CSDE1: variants seen among roughly 807,000 people sequenced by gnomAD.
CSDE1 encodes cold shock domain-containing protein E1.
Under a neutral mutation model 89.3 loss-of-function variants are expected in CSDE1, and 17 were observed. The observed-to-expected ratio is 0.19, with a 90% CI of 0.13 to 0.29. CSDE1 has a LOEUF of 0.29. Among genes scored for constraint, CSDE1 ranks in the 10% least tolerant of loss-of-function variants. The pLI is 1.00. For missense variants in CSDE1, 672 were observed against 984.2 expected (o/e 0.68, Z 4.24); for synonymous variants, 322 against 332.8 (o/e 0.97, Z 0.35).
At chr1:114,720,429 TA>T in intron 17 of CSDE1, 109 bp downstream of exon 17, 5 of 1,084,414 alleles carry the variant, frequency 4.6e-6, no homozygotes, top group South Asian at 2.0e-5. Context: ...GAAGTAGAAA[TA>T]AAAAAACGAA....
chr1:114,718,235 A>T lies in CSDE1; in HGVS notation c.2350-19T>A. ...CAAACCCCTGTGGGGGGGAGAAAAA[A>T]AAAACCCTGCAGTTAATGATTTGAG... On this transcript the variant is annotated intron_variant, in intron 19 of 19. Coordinates refer to ENST00000358528, the MANE Select transcript of CSDE1 (RefSeq NM_001007553.3). 7 of 1,609,330 alleles carry T rather than the reference A, an allele frequency of 4.3e-6. No homozygotes were observed. The highest frequency in any genetic ancestry group is 5.9e-6 in the Non-Finnish European group (7 of 1,178,626).
chr1:114,751,718 C>T (rs1661319747), intron 1 of CSDE1, among the ~76,000 whole-genome samples: 1 of 151,740 alleles, frequency 6.6e-6, no homozygotes, highest in Non-Finnish European at 1.5e-5. Flanking sequence ...AAAAACAAAC[C>T]TATGCCCAGC....
intron 5 of CSDE1, 104 bp downstream of exon 5, chr1:114,737,367 G>T: frequency 1.0e-6 from 1 of 963,944 alleles, no homozygotes; most frequent in Non-Finnish European, 1.6e-6. Context: ...ATTTAAAACT[G>T]ATTTTAACAA....
At chr1:114,727,551 G>A (rs1263559493) in intron 12 of CSDE1, among the ~76,000 whole-genome samples, 1 of 152,084 alleles carries the variant, frequency 6.6e-6, no homozygotes, top group Non-Finnish European at 1.5e-5. Flanking sequence ...AACAATGCAG[G>A]ATAATTTGGT....
chr1:114,732,508 TTTAAC>T lies in CSDE1; in HGVS notation c.1050+91_1050+95del. On this transcript the variant is annotated intron_variant, in intron 10 of 19. Transcript: ENST00000358528. ...ACAAGGTAAATGCCCATTAGGGTCATTTAACTTAAGAAAAATTTTAATTTAGTAGT... is the reference window on the plus strand; with the variant it reads ...ACAAGGTAAATGCCCATTAGGGTCATTTAAGAAAAATTTTAATTTAGTAGT... The T allele has an allele frequency of 3.4e-6, 4 of 1,178,418 alleles. 1 individual carries two copies. The highest frequency in any genetic ancestry group is 2.9e-4 in the Middle Eastern group (1 of 3,480). The allele number at this position is 1,178,418 out of a possible 1,614,324, so 73.0% of individuals were successfully genotyped here.
chr1:114,749,513 T>C lies in CSDE1; in HGVS notation c.-1+308A>G, dbSNP rs144667501. Among the ~76,000 whole-genome samples, 520 of 152,312 alleles carry C rather than the reference T, an allele frequency of 3.4e-3. 3 individuals are homozygous for C. Among genetic ancestry groups the C allele is most frequent in the African/African-American group, 7.3e-3 (304 of 41,562 alleles). Reference sequence around the variant, plus strand: ...ATCACCAAAGTTTCACAGACCCTCATAGAAAGACTGCAATGCACATTCTTA... The same window carrying C: ...ATCACCAAAGTTTCACAGACCCTCACAGAAAGACTGCAATGCACATTCTTA... On this transcript the variant is annotated intron_variant, in intron 2 of 19. Transcript: ENST00000358528.
At position 114,749,832 on chromosome 1, in the gene CSDE1, A is replaced by G. The variant is rs989907092; in HGVS notation, c.-12T>C. 1.3e-5 allele frequency: 2 copies of G among 152,660 alleles called. No homozygotes were observed. The highest frequency in any genetic ancestry group is 2.9e-5 in the Non-Finnish European group (2 of 68,040). The allele number at this position is 152,660 out of a possible 1,614,324, so 9.5% of individuals were successfully genotyped here. A position where few individuals can be genotyped will look rare whatever the true frequency, so the allele number is the denominator to read the frequency against. ...AATTACAAACCTACCTCGCAGTGAT[A>G]CTCAAATATTGCACTTTCAGTAGTA... On this transcript the variant is annotated 5_prime_UTR_variant, in exon 2 of 20. Coordinates refer to ENST00000358528, the MANE Select transcript of CSDE1 (RefSeq NM_001007553.3).
At chr1:114,719,488 A>C (rs1659389699) in intron 18 of CSDE1, 91 bp downstream of exon 18, 1 of 1,252,296 alleles carries the variant, frequency 8.0e-7, no homozygotes. Flanking sequence ...GGCAGAAGAC[A>C]AGGCACAGAA....
chr1:114,741,556 G>GT (rs1237637754), intron 2 of CSDE1: 3 of 1,550,970 alleles, frequency 1.9e-6, no homozygotes, highest in African/African-American at 2.7e-5. Context: ...GTCCTCTTTT[G>GT]TTTTTTAGTC....
At chr1:114,730,044 A>G (rs779438243) in intron 12 of CSDE1, among the ~76,000 whole-genome samples, 3 of 151,022 alleles carry the variant, frequency 2.0e-5, no homozygotes, top group Non-Finnish European at 2.9e-5. Flanking sequence ...AAATGCTGCT[A>G]AACATCCCAT....
intron 2 of CSDE1, among the ~76,000 whole-genome samples, chr1:114,742,242 C>T (rs773384764): frequency 2.6e-5 from 4 of 151,918 alleles, no homozygotes; most frequent in Non-Finnish European, 4.4e-5. Context: ...ACCGTATGCC[C>T]GATAAGGAGA....
At chr1:114,721,888 T>A (rs941511823) in intron 16 of CSDE1, among the ~76,000 whole-genome samples, 2 of 143,662 alleles carry the variant, frequency 1.4e-5, no homozygotes, top group African/African-American at 5.4e-5. Flanking sequence ...ACCTGACTTT[T>A]TTTTTTTTTT....
intron 1 of CSDE1, among the ~76,000 whole-genome samples, chr1:114,753,432 T>C (rs148280772): frequency 1.0e-3 from 157 of 152,340 alleles, no homozygotes; most frequent in African/African-American, 3.6e-3. Context: ...GTTAACTAAA[T>C]GTTTTTCAAT....
At chr1:114,750,611 G>A (rs759370920) in intron 1 of CSDE1, among the ~76,000 whole-genome samples, 39 of 151,924 alleles carry the variant, frequency 2.6e-4, no homozygotes, top group Non-Finnish European at 4.3e-4. Flanking sequence ...ACAGAGTATA[G>A]GACAAAAATG....
At chr1:114,718,586 T>TCC (rs768385867) in intron 19 of CSDE1, 27 bp downstream of exon 19, 2 of 1,603,058 alleles carry the variant, frequency 1.2e-6, no homozygotes, top group Non-Finnish European at 8.5e-7. Context: ...TCAGTTGGCC[T>TCC]CCCCCAAGCC....
At chr1:114,724,785 A>T (rs1659706901) in intron 15 of CSDE1, among the ~76,000 whole-genome samples, 1 of 151,874 alleles carries the variant, frequency 6.6e-6, no homozygotes, top group African/African-American at 2.4e-5. Context: ...CAGTGGTAGG[A>T]TCATCATGGC....
intron 15 of CSDE1, among the ~76,000 whole-genome samples, chr1:114,724,947 A>G (rs1278943412): frequency 6.6e-6 from 1 of 152,152 alleles, no homozygotes; most frequent in Admixed American, 6.5e-5. Flanking sequence ...AAATTTCCTA[A>G]AATATCTAGG....
At chr1:114,734,331 A>C in intron 7 of CSDE1, 111 bp downstream of exon 7, 2 of 1,121,634 alleles carry the variant, frequency 1.8e-6, no homozygotes, top group Non-Finnish European at 2.6e-6. Context: ...TAACAGTGAA[A>C]TATTTTAAAA....
intron 2 of CSDE1, chr1:114,746,673 C>T (rs185866403): frequency 2.0e-5 from 3 of 152,230 alleles, no homozygotes; most frequent in Admixed American, 1.3e-4. Flanking sequence ...AAAAGCAGGG[C>T]GAGGATAGCA....
Sources: allele counts gnomAD v4.1 joint callset (sites outside exome capture counted in the v4.1 genomes callset), GRCh38; gene constraint gnomAD v4.1.1; transcripts MANE v1.5; gene names NCBI Gene and HGNC (gene_info 2026-07-23, HGNC 2026-07-21).